The following ZMAT4 variants were observed in gnomAD, a reference collection of about 807,000 sequenced individuals.
The protein encoded by ZMAT4 is zinc finger matrin-type 4.
Under a neutral mutation model 28.7 loss-of-function variants are expected in ZMAT4, and 17 were observed. That is an observed-to-expected ratio of 0.59 (90% CI 0.41 to 0.89). The LOEUF is 0.89. Ranked by LOEUF, ZMAT4 falls within the 40% of genes least tolerant of loss-of-function variation. The pLI, the probability that ZMAT4 is intolerant of heterozygous loss-of-function variation, is 0.00. For synonymous variants in ZMAT4, 117 were observed against 109.2 expected (o/e 1.07, Z -0.44); for missense variants, 240 against 283.8 (o/e 0.85, Z 1.11).
intron 5 of ZMAT4, among the ~76,000 whole-genome samples, chr8:40,631,650 C>G (rs1422884174): frequency 6.6e-6 from 1 of 152,178 alleles, no homozygotes; most frequent in African/African-American, 2.4e-5. Context: ...AAATCACATT[C>G]TTTAATACTT....
chr8:40,659,261 A>G (rs1808076283), intron 5 of ZMAT4, among the ~76,000 whole-genome samples: 1 of 152,144 alleles, frequency 6.6e-6, no homozygotes, highest in South Asian at 2.1e-4. Context: ...ATGAAACGGA[A>G]ACGAGATGAG....
intron 5 of ZMAT4, among the ~76,000 whole-genome samples, chr8:40,669,448 T>G (rs1808579274): frequency 6.6e-6 from 1 of 151,398 alleles, no homozygotes; most frequent in Non-Finnish European, 1.5e-5. Context: ...AGTGCCTGAC[T>G]GTCTGCCTCT....
chr8:40,875,941 C>T (rs902797522), intron 1 of ZMAT4, among the ~76,000 whole-genome samples: 5 of 152,144 alleles, frequency 3.3e-5, no homozygotes, highest in African/African-American at 1.2e-4. Flanking sequence ...TATGTCATGG[C>T]CTTGAAAATG....
chr8:40,654,656 G>A (rs1352745182), intron 5 of ZMAT4, among the ~76,000 whole-genome samples: 2 of 152,082 alleles, frequency 1.3e-5, no homozygotes, highest in South Asian at 2.1e-4. Flanking sequence ...TTGGTTTAAC[G>A]TATGAAAATC....
chr8:40,547,159 C>A (rs545724840), intron 6 of ZMAT4, among the ~76,000 whole-genome samples: 1 of 152,170 alleles, frequency 6.6e-6, no homozygotes, highest in African/African-American at 2.4e-5. Flanking sequence ...AGCGGGCTTG[C>A]GTGTGTCACC....
At chr8:40,861,641 A>C (rs1305527826) in intron 1 of ZMAT4, among the ~76,000 whole-genome samples, 5 of 152,232 alleles carry the variant, frequency 3.3e-5, no homozygotes, top group Non-Finnish European at 5.9e-5. Flanking sequence ...CAGCCTACAG[A>C]ATGGGAGAAA....
chr8:40,672,989 T>C (rs1808743047), intron 5 of ZMAT4, among the ~76,000 whole-genome samples: 1 of 152,228 alleles, frequency 6.6e-6, no homozygotes, highest in Admixed American at 6.5e-5. Flanking sequence ...GTGTTATTAA[T>C]GTTTGCTCTT....
chr8:40,850,294 C>A (rs1355119409), intron 1 of ZMAT4, among the ~76,000 whole-genome samples: 1 of 152,154 alleles, frequency 6.6e-6, no homozygotes, highest in East Asian at 1.9e-4. Context: ...ACCCTGCTAG[C>A]CTCCCCCGCC....
chr8:40,531,111 T>G lies in ZMAT4; in HGVS notation c.*1112A>C, dbSNP rs1381697215. 1 of 152,566 alleles carries G rather than the reference T, an allele frequency of 6.6e-6. No homozygotes were observed. Among genetic ancestry groups the G allele is most frequent in the Non-Finnish European group, 1.5e-5 (1 of 68,132 alleles). 9.5% of individuals were successfully genotyped at this position (152,566 alleles called of 1,614,324 possible). On this transcript the variant is annotated 3_prime_UTR_variant, in exon 7 of 7. Transcript: ENST00000297737. The stretch of plus-strand genomic sequence containing the variant: ...TCAACGTCCCACTTCGTAACCAGGC[T>G]ACAAGACACCAAGTCCGGTCACCAT...
At chr8:40,748,023 C>G (rs1256485854) in intron 3 of ZMAT4, among the ~76,000 whole-genome samples, 2 of 152,018 alleles carry the variant, frequency 1.3e-5, no homozygotes, top group Non-Finnish European at 2.9e-5. Flanking sequence ...GCTATAATGA[C>G]TATCTAAAAT....
chr8:40,757,558 G>T (rs1007906359), intron 3 of ZMAT4, among the ~76,000 whole-genome samples: 2 of 150,506 alleles, frequency 1.3e-5, no homozygotes, highest in Non-Finnish European at 3.0e-5. Context: ...TGCACTCCAG[G>T]CTGGGCAACA....
intron 2 of ZMAT4, among the ~76,000 whole-genome samples, chr8:40,794,083 AT>A (rs955361686): frequency 1.7e-3 from 255 of 148,488 alleles, no homozygotes; most frequent in African/African-American, 5.7e-3. Context: ...TCAAAAGGCA[AT>A]TTTTTTAATG....
chr8:40,607,605 G>T (rs1805642785), intron 5 of ZMAT4, among the ~76,000 whole-genome samples: 1 of 152,034 alleles, frequency 6.6e-6, no homozygotes, highest in Non-Finnish European at 1.5e-5. Flanking sequence ...AAAGCACCTT[G>T]TTTAGTCATA....
intron 1 of ZMAT4, among the ~76,000 whole-genome samples, chr8:40,846,081 A>G (rs1020602449): frequency 6.6e-6 from 1 of 152,192 alleles, no homozygotes; most frequent in African/African-American, 2.4e-5. Context: ...GATCTGTCAA[A>G]CTTTCACTAA....
intron 6 of ZMAT4, among the ~76,000 whole-genome samples, chr8:40,558,030 G>A (rs1803602814): frequency 6.6e-6 from 1 of 152,296 alleles, no homozygotes; most frequent in South Asian, 2.1e-4. Context: ...ATGACTGGGG[G>A]CAGTGCACAT....
intron 6 of ZMAT4, among the ~76,000 whole-genome samples, chr8:40,552,463 A>T (rs1246852045): frequency 6.6e-6 from 1 of 151,988 alleles, no homozygotes; most frequent in Non-Finnish European, 1.5e-5. Flanking sequence ...CTCATACCAA[A>T]CTCTGTGTAC....
chr8:40,615,177 A>T (rs1420478152), intron 5 of ZMAT4, among the ~76,000 whole-genome samples: 2 of 151,870 alleles, frequency 1.3e-5, no homozygotes, highest in Admixed American at 6.6e-5. Flanking sequence ...TTTCTCCTTC[A>T]CTTATGAAGC....
In ZMAT4 at chr8:40,837,078, T is replaced by C. The variant is rs765044141; in HGVS notation, c.-4-11398A>G. 3.5e-4 allele frequency among the ~76,000 whole-genome samples: 53 copies of C among 152,296 alleles called. 1 individual carries two copies. The highest frequency in any genetic ancestry group is 3.4e-3 in the Middle Eastern group (1 of 294). ...AATGAATCTTCCACACCCTCTGCAA[T>C]AGAGACATTGTTTTTTTCCTTTCTC... On this transcript the variant is annotated intron_variant, in intron 1 of 6. Coordinates refer to ENST00000297737, the MANE Select transcript of ZMAT4 (RefSeq NM_024645.3).
intron 6 of ZMAT4, among the ~76,000 whole-genome samples, chr8:40,578,006 T>G (rs1804326885): frequency 6.6e-6 from 1 of 152,042 alleles, no homozygotes; most frequent in Non-Finnish European, 1.5e-5. Context: ...TTTTGAAGGA[T>G]TTTTTGAGGA....
Sources: allele counts gnomAD v4.1 joint callset (sites outside exome capture counted in the v4.1 genomes callset), GRCh38; gene constraint gnomAD v4.1.1; transcripts MANE v1.5; gene names NCBI Gene and HGNC (gene_info 2026-07-23, HGNC 2026-07-21).